Variants in UBE2H observed in about 807,000 individuals in gnomAD.
UBE2H encodes ubiquitin-conjugating enzyme E2 H.
A neutral mutation model predicts 29.0 loss-of-function variants in UBE2H; 3 were observed. The observed-to-expected ratio is 0.10, with a 90% CI of 0.05 to 0.27. The LOEUF (loss-of-function observed/expected upper bound fraction) is 0.27, where lower values mean the gene tolerates loss of function less well. UBE2H is among the 10% of genes least tolerant of loss of function. The pLI is 1.00. For missense variants in UBE2H, 68 were observed against 228.2 expected (o/e 0.30, Z 4.52); for synonymous variants, 69 against 82.9 (o/e 0.83, Z 0.91).
chr7:129,934,983 GTATA>G (rs908604328), intron 1 of UBE2H, among the ~76,000 whole-genome samples: 1 of 150,444 alleles, frequency 6.6e-6, no homozygotes, highest in African/African-American at 2.5e-5. Context: ...ATATGTGTGT[GTATA>G]TATATGTGTG....
At position 129,858,894 on chromosome 7, in the gene UBE2H, T is replaced by C. The variant is rs770299668; in HGVS notation, c.245+8A>G. On this transcript the variant is annotated splice_region_variant and intron_variant, in intron 4 of 6. Transcript: ENST00000355621. Reference sequence around the variant, plus strand: ...CTAAAATTGAAACATTTTAAAATAGTTACTTACGCTTCATCAATGTTGGGA... The same window carrying C: ...CTAAAATTGAAACATTTTAAAATAGCTACTTACGCTTCATCAATGTTGGGA... 1.2e-6 allele frequency: 2 copies of C among 1,608,242 alleles called. No homozygotes were observed. The highest frequency in any genetic ancestry group is 2.2e-5 in the South Asian group (2 of 90,644).
intron 3 of UBE2H, among the ~76,000 whole-genome samples, chr7:129,860,984 G>A (rs143513804): frequency 0.023 from 3,526 of 152,284 alleles, 70 homozygotes; most frequent in South Asian, 0.064. Flanking sequence ...CACTTTGGGA[G>A]GCCAAGGTGG....
intron 5 of UBE2H, among the ~76,000 whole-genome samples, chr7:129,849,691 C>T (rs559283425): frequency 1.3e-5 from 2 of 152,356 alleles, no homozygotes; most frequent in Admixed American, 6.5e-5. Flanking sequence ...AAGCAACCCA[C>T]CAGACTTCCT....
intron 4 of UBE2H, among the ~76,000 whole-genome samples, chr7:129,858,275 G>A (rs1277752388): frequency 6.6e-6 from 1 of 152,122 alleles, no homozygotes. Context: ...GGACTAAGGG[G>A]CATGATGTAT....
At chr7:129,893,052 T>C (rs919857098) in intron 1 of UBE2H, among the ~76,000 whole-genome samples, 1 of 152,242 alleles carries the variant, frequency 6.6e-6, no homozygotes, top group African/African-American at 2.4e-5. Context: ...CTTACTATGG[T>C]ACCCTGAATA....
chr7:129,877,633 A>G (rs1806172918), intron 3 of UBE2H, among the ~76,000 whole-genome samples: 1 of 152,244 alleles, frequency 6.6e-6, no homozygotes, highest in East Asian at 1.9e-4. Flanking sequence ...ACAGAAAGGC[A>G]AAAGAAACAA....
chr7:129,902,783 C>G (rs531722624), intron 1 of UBE2H, among the ~76,000 whole-genome samples: 8 of 152,202 alleles, frequency 5.3e-5, no homozygotes, highest in Non-Finnish European at 1.0e-4. Flanking sequence ...TGCCTCCCCC[C>G]ACCATTTACA....
At chr7:129,898,625 CTATTGAGTTTCCTTCTCTCGTGTTTGCA>C (rs1292170356) in intron 1 of UBE2H, among the ~76,000 whole-genome samples, 1 of 152,016 alleles carries the variant, frequency 6.6e-6, no homozygotes, top group Non-Finnish European at 1.5e-5. Flanking sequence ...GGTGAAAAAA[CTATTGAGTTTCCTTCTCTCGTGTTTGCA>C]CCACGGAGAC....
At chr7:129,914,002 G>A (rs1806993310) in intron 1 of UBE2H, among the ~76,000 whole-genome samples, 2 of 152,082 alleles carry the variant, frequency 1.3e-5, no homozygotes, top group South Asian at 2.1e-4. Flanking sequence ...TTCCCCACTT[G>A]GAACTCAATG....
chr7:129,870,554 T>A (rs1806007853), intron 3 of UBE2H, among the ~76,000 whole-genome samples: 1 of 152,180 alleles, frequency 6.6e-6, no homozygotes, highest in African/African-American at 2.4e-5. Flanking sequence ...CCAGCTTGGA[T>A]GATTTCCTTA....
chr7:129,927,045 TAG>T (rs1184601217), intron 1 of UBE2H, among the ~76,000 whole-genome samples: 1 of 152,208 alleles, frequency 6.6e-6, no homozygotes, highest in Non-Finnish European at 1.5e-5. Flanking sequence ...CCTTCTCTGA[TAG>T]ACTCAACTCT....
At chr7:129,931,668 G>A (rs1252250640) in intron 1 of UBE2H, among the ~76,000 whole-genome samples, 1 of 151,886 alleles carries the variant, frequency 6.6e-6, no homozygotes, top group East Asian at 1.9e-4. Context: ...GAATGTAATT[G>A]GAAAAGAGTA....
intron 2 of UBE2H, among the ~76,000 whole-genome samples, chr7:129,880,378 C>T (rs1361993765): frequency 6.6e-6 from 1 of 152,074 alleles, no homozygotes; most frequent in Admixed American, 6.6e-5. Flanking sequence ...TGGTGGCAGG[C>T]ACCTATAGTC....
intron 5 of UBE2H, among the ~76,000 whole-genome samples, chr7:129,854,139 C>A (rs899397682): frequency 6.8e-6 from 1 of 146,696 alleles, no homozygotes; most frequent in African/African-American, 2.5e-5. Context: ...TCAGGAACCA[C>A]TGCAGGAAAT....
chr7:129,944,397 C>T (rs943364246), intron 1 of UBE2H, among the ~76,000 whole-genome samples: 2 of 152,044 alleles, frequency 1.3e-5, no homozygotes, highest in South Asian at 4.2e-4. Context: ...GTGAAACAAC[C>T]GTTGTCACAA....
At chr7:129,835,513 G>A (rs981559022) in intron 6 of UBE2H, among the ~76,000 whole-genome samples, 2 of 152,098 alleles carry the variant, frequency 1.3e-5, no homozygotes, top group East Asian at 3.9e-4. Flanking sequence ...TTTAGGAATC[G>A]ATTTTAGTCT....
intron 1 of UBE2H, among the ~76,000 whole-genome samples, chr7:129,945,757 T>G (rs77447830): frequency 1.3e-5 from 2 of 152,112 alleles, no homozygotes; most frequent in African/African-American, 4.8e-5. Flanking sequence ...TTTTTTTTTT[T>G]GAGACTGAGT....
chr7:129,938,613 T>TGA (rs78326729), intron 1 of UBE2H, among the ~76,000 whole-genome samples: 140,632 of 148,682 alleles, frequency 0.95, 66,907 homozygotes, highest in East Asian at 1. Flanking sequence ...CTCGATAGGC[T>TGA]GAGAATTGTT....
chr7:129,867,724 C>CAAAAAAAAAAAA (rs1473451530), intron 3 of UBE2H, among the ~76,000 whole-genome samples: 38 of 31,178 alleles, frequency 1.2e-3, no homozygotes, highest in East Asian at 1.9e-3. Flanking sequence ...AAAAGAAAAC[C>CAAAAAAAAAAAA]AAAAAAAAAA....
Sources: gnomAD v4.1 joint callset for allele counts (sites outside exome capture counted in the v4.1 genomes callset) on GRCh38, gnomAD v4.1.1 for gene constraint, MANE v1.5 for transcripts, NCBI Gene and HGNC (gene_info 2026-07-23, HGNC 2026-07-21) for gene names.